Variants in WDR7 observed in about 807,000 individuals in gnomAD.
WDR7 encodes WD repeat domain 7.
Under a neutral mutation model 169.4 loss-of-function variants are expected in WDR7, and 46 were observed. That is an observed-to-expected ratio of 0.27 (90% CI 0.21 to 0.35). The LOEUF (loss-of-function observed/expected upper bound fraction) is 0.35. Among genes scored for constraint, WDR7 ranks in the 10% least tolerant of loss-of-function variants. WDR7 has a pLI of 1.00. For synonymous variants in WDR7, 612 were observed against 666.8 expected, an observed-to-expected ratio of 0.92 and a Z score of 1.27; for missense variants, 1,534 against 1,859.3, an observed-to-expected ratio of 0.83 and a Z score of 3.22.
At chr18:56,779,676 G>T in intron 18 of WDR7, 127 bp downstream of exon 18, 2 of 687,906 alleles carry the variant, frequency 2.9e-6, no homozygotes, top group Non-Finnish European at 4.6e-6. Flanking sequence ...TAGAAAATGT[G>T]GATTCATGAT....
chr18:56,673,975 G>A (rs898747542), intron 2 of WDR7, among the ~76,000 whole-genome samples: 2 of 152,118 alleles, frequency 1.3e-5, no homozygotes, highest in African/African-American at 4.8e-5. Flanking sequence ...CTTTTATCAT[G>A]TAGCATAATG....
At chr18:56,922,539 A>G (rs963153065) in intron 21 of WDR7, among the ~76,000 whole-genome samples, 1 of 152,246 alleles carries the variant, frequency 6.6e-6, no homozygotes, top group African/African-American at 2.4e-5. Flanking sequence ...AAATTTACAA[A>G]TACACATACG....
Position 56,952,183 on chromosome 18 carries a change from GCTGTCC to G in WDR7, c.4065-10242_4065-10237del, listed in dbSNP as rs2047193267. ...GGACACTTGAGAAGCACTGCTCTCA[GCTGTCC>G]CTGTGGGACTGCCTCTGGTGAGACA... is the stretch of plus-strand genomic sequence containing the variant. On this transcript the variant is annotated intron_variant, in intron 25 of 27. Transcript: ENST00000254442. Among the ~76,000 whole-genome samples the G allele has an allele frequency of 2.6e-5, 4 of 152,292 alleles. No individual in the cohort carries two copies. In the South Asian group the frequency reaches 8.3e-4, roughly 32 times the overall value.
intron 7 of WDR7, among the ~76,000 whole-genome samples, chr18:56,688,251 C>T (rs2025485161): frequency 6.6e-6 from 1 of 152,128 alleles, no homozygotes; most frequent in South Asian, 2.1e-4. Context: ...GAGCTTAGAA[C>T]ACAAGGGGAT....
intron 26 of WDR7, among the ~76,000 whole-genome samples, chr18:57,011,501 C>T (rs1425055274): frequency 1.3e-5 from 2 of 152,092 alleles, no homozygotes; most frequent in Admixed American, 6.5e-5. Context: ...ACTTGTTTTT[C>T]CCTCTGAATA....
At chr18:57,012,964 G>A (rs2048158072) in intron 26 of WDR7, among the ~76,000 whole-genome samples, 1 of 152,182 alleles carries the variant, frequency 6.6e-6, no homozygotes. Flanking sequence ...AACAGCACCT[G>A]GCATATCATA....
intron 19 of WDR7, among the ~76,000 whole-genome samples, chr18:56,797,253 A>G (rs1170543179): frequency 2.0e-5 from 3 of 152,200 alleles, no homozygotes; most frequent in African/African-American, 7.2e-5. Context: ...TTGTGGATGT[A>G]GAAGGGGCCC....
chr18:56,962,331 G>A, intron 25 of WDR7, 99 bp from the exon 26 acceptor site: 1 of 742,468 alleles, frequency 1.3e-6, no homozygotes, highest in Non-Finnish European at 2.3e-6. Flanking sequence ...ATATATCAGA[G>A]CTGGCTTTAA....
chr18:56,774,022 C>G (rs759093115), intron 16 of WDR7, among the ~76,000 whole-genome samples: 22 of 149,864 alleles, frequency 1.5e-4, no homozygotes, highest in Non-Finnish European at 3.1e-4. Flanking sequence ...AAAAAACTTA[C>G]TTTTTTAAAC....
intron 1 of WDR7, among the ~76,000 whole-genome samples, chr18:56,653,191 C>T (rs1245512869): frequency 6.6e-6 from 1 of 151,840 alleles, no homozygotes; most frequent in Non-Finnish European, 1.5e-5. Context: ...GGCATCTCCC[C>T]TGCCTGCATT....
At chr18:56,727,810 C>G (rs2026493750) in intron 13 of WDR7, among the ~76,000 whole-genome samples, 1 of 152,098 alleles carries the variant, frequency 6.6e-6, no homozygotes, top group African/African-American at 2.4e-5. Context: ...GTATACATTT[C>G]TCTCCCACCC....
chr18:56,959,345 A>G (rs9964064), intron 25 of WDR7, among the ~76,000 whole-genome samples: 9,228 of 152,240 alleles, frequency 0.061, 862 homozygotes, highest in African/African-American at 0.2. Context: ...TGATGAAAGC[A>G]TGGAGATCAG....
chr18:57,004,276 C>A (rs2048024602), intron 26 of WDR7, among the ~76,000 whole-genome samples: 1 of 152,040 alleles, frequency 6.6e-6, no homozygotes, highest in Non-Finnish European at 1.5e-5. Flanking sequence ...TGGCCTAGTA[C>A]CACACATATA....
rs1288023666 is a variant in WDR7, at chr18:56,918,628, A to G, written c.3527-5294A>G. On this transcript the variant is annotated intron_variant, in intron 21 of 27. Transcript: ENST00000254442. ...AGTAAGACCATACCGCAGAATAAGC[A>G]CTCCTTTACATTGAATAAATATAGC... 6.6e-5 allele frequency among the ~76,000 whole-genome samples: 10 copies of G among 152,244 alleles called. 1 individual carries two copies. The South Asian group carries it at 1.9e-3, about 28-fold the overall frequency.
chr18:56,989,545 G>T (rs2047780129), intron 26 of WDR7, among the ~76,000 whole-genome samples: 1 of 152,022 alleles, frequency 6.6e-6, no homozygotes, highest in African/African-American at 2.4e-5. Flanking sequence ...CAAGTAGTTA[G>T]GCATTTAATG....
chr18:56,668,857 G>T (rs1160976979), intron 1 of WDR7, among the ~76,000 whole-genome samples: 6 of 151,014 alleles, frequency 4.0e-5, no homozygotes, highest in African/African-American at 1.5e-4. Flanking sequence ...GAAAAAGCCT[G>T]TAGATGTGTA....
intron 26 of WDR7, among the ~76,000 whole-genome samples, chr18:57,011,232 T>G (rs1239696864): frequency 1.3e-5 from 2 of 152,246 alleles, no homozygotes; most frequent in Non-Finnish European, 2.9e-5. Flanking sequence ...TGAAAACTAT[T>G]ACTTGCATCA....
chr18:56,740,655 T>A (rs1365490457), intron 14 of WDR7, among the ~76,000 whole-genome samples: 1 of 152,170 alleles, frequency 6.6e-6, no homozygotes, highest in African/African-American at 2.4e-5. Context: ...CTTCTACTTC[T>A]CTAGTCCTTC....
At chr18:56,763,471 T>G (rs2044012545) in intron 16 of WDR7, among the ~76,000 whole-genome samples, 2 of 152,238 alleles carry the variant, frequency 1.3e-5, no homozygotes, top group Admixed American at 1.3e-4. Context: ...TTACCAATTT[T>G]ATAGTTTGTT....
Sources: gnomAD v4.1 joint callset for allele counts (sites outside exome capture counted in the v4.1 genomes callset) on GRCh38, gnomAD v4.1.1 for gene constraint, MANE v1.5 for transcripts, NCBI Gene and HGNC (gene_info 2026-07-23, HGNC 2026-07-21) for gene names.